IFITM1: variants seen among roughly 807,000 people sequenced by gnomAD.
The protein encoded by IFITM1 is interferon induced transmembrane protein 1.
In IFITM1, 1 loss-of-function variant was observed where a neutral mutation model predicts 4.0. The observed-to-expected ratio is 0.25, with a 90% CI of 0.09 to 1.18. The LOEUF (loss-of-function observed/expected upper bound fraction) is 1.18, where lower values mean the gene tolerates loss of function less well. Ranked by LOEUF, IFITM1 falls within the 50% of genes most tolerant of loss-of-function variation. The pLI, the probability that IFITM1 is intolerant of heterozygous loss-of-function variation, is 0.50. For synonymous variants in IFITM1, 79 were observed against 69.7 expected (o/e 1.13, Z -0.67); for missense variants, 131 against 163.2 (o/e 0.80, Z 1.08).
Position 314,787 on chromosome 11 carries a change from G to T in IFITM1, c.187-135G>T, listed in dbSNP as rs1037080754. 1 of 1,184,704 alleles carries T rather than the reference G, an allele frequency of 8.4e-7. No homozygotes were observed. Among genetic ancestry groups the T allele is most frequent in the Non-Finnish European group, 1.2e-6 (1 of 812,574 alleles). The allele number at this position is 1,184,704 out of a possible 1,614,324, so 73.4% of individuals were successfully genotyped here. On this transcript the variant is annotated intron_variant, in intron 1 of 1. Coordinates refer to ENST00000408968, the MANE Select transcript of IFITM1 (RefSeq NM_003641.5). This position sits in a 1 kb window ranked among gnomAD's most constrained non-coding sequence, Gnocchi z 4.5. Reference sequence around the variant, plus strand: ...AGGCAGAAGGAGGATGAGCCCCGAGGCTCCTGGAGAGTCTGAGCCCGGGTG... The same window carrying T: ...AGGCAGAAGGAGGATGAGCCCCGAGTCTCCTGGAGAGTCTGAGCCCGGGTG...
rs1358730078 is a variant in IFITM1, at chr11:314,245, C to T, written c.75C>T (p.Ile25=). Residue 25 remains isoleucine (I), a synonymous_variant, in exon 1 of 2, where the codon ATC becomes ATT. Transcript: ENST00000408968. This position sits in a 1 kb window ranked among gnomAD's most constrained non-coding sequence, Gnocchi z 4.5. ...CCATCCTTCCAAGGTCCACCGTGAT[C>T]AACATCCACAGCGAGACCTCCGTGC... ...PSTILPRSTV[I]NIHSETSVPD... 2 of 1,613,884 alleles carry T rather than the reference C, an allele frequency of 1.2e-6. No homozygotes were observed. The highest frequency in any genetic ancestry group is 2.2e-5 in the East Asian group (1 of 44,874).
Position 314,560 on chromosome 11 carries a change from T to A in IFITM1, c.186+204T>A, listed in dbSNP as rs1049686273. 3.7e-6 allele frequency: 3 copies of A among 811,634 alleles called. No homozygotes were observed. In the African/African-American group the frequency reaches 5.0e-5, roughly 14 times the overall value. The allele number at this position is 811,634 out of a possible 1,614,324, so 50.3% of individuals were successfully genotyped here. ...TTGGGGAATCTGCCCAGTGCAGGTC[T>A]AGGAGGAGGCTCCAGGAGGCTGGCT... On this transcript the variant is annotated intron_variant, in intron 1 of 1. Coordinates refer to ENST00000408968, the MANE Select transcript of IFITM1 (RefSeq NM_003641.5). The surrounding 1 kb of genome is among the most constrained non-coding windows in gnomAD (Gnocchi z 4.5).
In IFITM1 at chr11:315,105, G is replaced by A; in HGVS notation, c.370G>A (p.Gly124Ser). 6.2e-7 allele frequency: 1 copy of A among 1,614,016 alleles called. No homozygotes were observed. The part of the protein sequence containing the change: ...IMLQIIQEKR[G>S]Y ...GTTACAGATAATACAGGAAAAACGG[G>A]GTTACTAGTAGCCGCCCATAGCCTG... The change falls in exon 2 of 2, where the codon GGT (glycine) becomes AGT (serine). Residue 124 changes from glycine to serine, a missense_variant. Transcript: ENST00000408968.
In IFITM1 at chr11:314,672, A is replaced by G. The variant is rs113041989; in HGVS notation, c.187-250A>G. Reference sequence around the variant, plus strand: ...GTAAGAAATTACACCCTCACCTTCCAGACTGGCACCCAGGCTCTCCCAGAA... The same window carrying G: ...GTAAGAAATTACACCCTCACCTTCCGGACTGGCACCCAGGCTCTCCCAGAA... On this transcript the variant is annotated intron_variant, in intron 1 of 1. Transcript: ENST00000408968. The surrounding 1 kb of genome is among the most constrained non-coding windows in gnomAD (Gnocchi z 4.5). Among the ~76,000 whole-genome samples the G allele has an allele frequency of 5.5e-3, 832 of 152,326 alleles. 10 individuals are homozygous for G. Among genetic ancestry groups the G allele is most frequent in the African/African-American group, 0.019 (802 of 41,562 alleles).
In IFITM1 at chr11:314,605, C is replaced by T; in HGVS notation, c.186+249C>T. The T allele has an allele frequency of 4.0e-6, 3 of 758,948 alleles. No individual in the cohort carries two copies. The highest frequency in any genetic ancestry group is 2.2e-4 in the Middle Eastern group (1 of 4,468). The allele number at this position is 758,948 out of a possible 1,614,324, so 47.0% of individuals were successfully genotyped here. On this transcript the variant is annotated intron_variant, in intron 1 of 1. Coordinates refer to ENST00000408968, the MANE Select transcript of IFITM1 (RefSeq NM_003641.5). This position sits in a 1 kb window ranked among gnomAD's most constrained non-coding sequence, Gnocchi z 4.5. ...CTGGCTGGCTGGCTCAGAGTCTGTCCCTGGCTATCCATTAGCCCAGAGCAA... is the reference window on the plus strand; with the variant it reads ...CTGGCTGGCTGGCTCAGAGTCTGTCTCTGGCTATCCATTAGCCCAGAGCAA...
rs1402000501 is a variant in IFITM1 at position 314,169 on chromosome 11, A to T, written c.-2A>T. On this transcript the variant is annotated 5_prime_UTR_variant, in exon 1 of 2. In the 5' UTR this introduces an upstream ATG that the reference lacks. Transcript: ENST00000408968. This position sits in a 1 kb window ranked among gnomAD's most constrained non-coding sequence, Gnocchi z 4.5. ...CAACACTTCCTTCCCCAAAGCCAGA[A>T]GATGCACAAGGAGGAACATGAGGTG... 1.2e-6 allele frequency: 2 copies of T among 1,613,616 alleles called. No individual in the cohort carries two copies. Among genetic ancestry groups the T allele is most frequent in the Non-Finnish European group, 1.7e-6 (2 of 1,179,642 alleles).
Position 314,827 on chromosome 11 carries a change from G to A in IFITM1, c.187-95G>A. The A allele has an allele frequency of 6.4e-7, 1 of 1,565,974 alleles. No homozygotes were observed. The highest frequency in any genetic ancestry group is 8.7e-7 in the Non-Finnish European group (1 of 1,148,262). ...GAGCCCGGGTGAGGAAGGGGAGGAG[G>A]TGGTCCCTGATCTCAGGGCGGGGAG... On this transcript the variant is annotated intron_variant, in intron 1 of 1. Transcript: ENST00000408968. This position sits in a 1 kb window ranked among gnomAD's most constrained non-coding sequence, Gnocchi z 4.5.
rs747762790 is a variant in IFITM1, at chr11:315,187, G to A, written c.*74G>A. 4 of 1,472,102 alleles carry A rather than the reference G, an allele frequency of 2.7e-6. No homozygotes were observed. The highest frequency in any genetic ancestry group is 2.8e-6 in the Non-Finnish European group (3 of 1,062,414). 91.2% of individuals were successfully genotyped at this position (1,472,102 alleles called of 1,614,324 possible). A position where few individuals can be genotyped will look rare whatever the true frequency, so the allele number is the denominator to read the frequency against. ...CCTGCACGCTGGGGCTGTTGCCCCT[G>A]CCCCCTTGGTCCTGCCCCTAGATAC... On this transcript the variant is annotated 3_prime_UTR_variant, in exon 2 of 2. Coordinates refer to ENST00000408968, the MANE Select transcript of IFITM1 (RefSeq NM_003641.5).
rs949315777 is a variant in IFITM1 at position 315,259 on chromosome 11, G to A, written c.*146G>A. The A allele has an allele frequency of 1.3e-6, 1 of 756,648 alleles. No homozygotes were observed. The highest frequency in any genetic ancestry group is 2.2e-6 in the Non-Finnish European group (1 of 463,694). The allele number at this position is 756,648 out of a possible 1,614,324, so 46.9% of individuals were successfully genotyped here. On this transcript the variant is annotated 3_prime_UTR_variant, in exon 2 of 2. Transcript: ENST00000408968. ...TGTCTACAGTGTCATTCAATAAAGT[G>A]CACGTGCTTGTGATGATGCTGTGAC...
rs762598591 is a variant in IFITM1 at position 314,205 on chromosome 11, G to A, written c.35G>A (p.Gly12Glu). 1.4e-5 allele frequency: 22 copies of A among 1,613,918 alleles called. No individual in the cohort carries two copies. Among genetic ancestry groups the A allele is most frequent in the Non-Finnish European group, 1.9e-5 (22 of 1,179,926 alleles). The part of the protein sequence containing the change: ...HKEEHEVAVL[G>E]PPPSTILPRS... ...GAGGAACATGAGGTGGCTGTGCTGG[G>A]GCCACCCCCCAGCACCATCCTTCCA... Residue 12 changes from glycine to glutamate, a missense_variant, in exon 1 of 2, where the codon GGG becomes GAG. Physicochemically the swap from Gly to Glu is moderately conservative, Grantham distance 98. Coordinates refer to ENST00000408968, the MANE Select transcript of IFITM1 (RefSeq NM_003641.5). This position sits in a 1 kb window ranked among gnomAD's most constrained non-coding sequence, Gnocchi z 4.5.
In IFITM1 at chr11:315,186, T is replaced by A; in HGVS notation, c.*73T>A. On this transcript the variant is annotated 3_prime_UTR_variant, in exon 2 of 2. Coordinates refer to ENST00000408968, the MANE Select transcript of IFITM1 (RefSeq NM_003641.5). ...CCCTGCACGCTGGGGCTGTTGCCCC[T>A]GCCCCCTTGGTCCTGCCCCTAGATA... 1.4e-6 allele frequency: 2 copies of A among 1,459,448 alleles called. No homozygotes were observed. Among genetic ancestry groups the A allele is most frequent in the Non-Finnish European group, 1.9e-6 (2 of 1,050,216 alleles). The allele number at this position is 1,459,448 out of a possible 1,614,324, so 90.4% of individuals were successfully genotyped here. A position where few individuals can be genotyped will look rare whatever the true frequency, so the allele number is the denominator to read the frequency against.
chr11:314,049 G>A lies in IFITM1; in HGVS notation c.-122G>A, dbSNP rs550990471. On this transcript the variant is annotated 5_prime_UTR_variant, in exon 1 of 2. Coordinates refer to ENST00000408968, the MANE Select transcript of IFITM1 (RefSeq NM_003641.5). This position sits in a 1 kb window ranked among gnomAD's most constrained non-coding sequence, Gnocchi z 4.5. ...ACACTTCTGAGAAACTGAAACGACAGGGGAAAGGAGGTCTCACTGAGCACC... is the reference window on the plus strand; with the variant it reads ...ACACTTCTGAGAAACTGAAACGACAAGGGAAAGGAGGTCTCACTGAGCACC... 6 of 746,034 alleles carry A rather than the reference G, an allele frequency of 8.0e-6. No individual in the cohort carries two copies. Among genetic ancestry groups the A allele is most frequent in the Admixed American group, 2.5e-5 (1 of 40,498 alleles). 46.2% of individuals were successfully genotyped at this position (746,034 alleles called of 1,614,324 possible). A position where few individuals can be genotyped will look rare whatever the true frequency, so the allele number is the denominator to read the frequency against.
Position 314,182 on chromosome 11 carries a change from G to A in IFITM1, c.12G>A (p.Glu4=), listed in dbSNP as rs1290429664. MHK[E]EHEVAVLGPP... The stretch of plus-strand genomic sequence containing the variant: ...CCCAAAGCCAGAAGATGCACAAGGA[G>A]GAACATGAGGTGGCTGTGCTGGGGC... Residue 4 remains glutamate, a synonymous_variant, in exon 1 of 2, where the codon GAG becomes GAA. Coordinates refer to ENST00000408968, the MANE Select transcript of IFITM1 (RefSeq NM_003641.5). The surrounding 1 kb of genome is among the most constrained non-coding windows in gnomAD (Gnocchi z 4.5). 2 of 1,613,842 alleles carry A rather than the reference G, an allele frequency of 1.2e-6. No homozygotes were observed. The highest frequency in any genetic ancestry group is 1.7e-6 in the Non-Finnish European group (2 of 1,179,890).
Position 314,939 on chromosome 11 carries a change from G to A in IFITM1, c.204G>A (p.Met68Ile), listed in dbSNP as rs1460614582. 1.9e-6 allele frequency: 3 copies of A among 1,613,324 alleles called. No individual in the cohort carries two copies. The highest frequency in any genetic ancestry group is 1.7e-5 in the Admixed American group (1 of 60,026). ...TCCCCCAGTCTAGGGACAGGAAGAT[G>A]GTTGGCGACGTGACCGGGGCCCAGG... ...AYSVKSRDRK[M>I]VGDVTGAQAY... Residue 68 changes from methionine to isoleucine, a missense_variant, in exon 2 of 2, where the codon ATG (methionine) becomes ATA (isoleucine). By Grantham distance (10) the Met-to-Ile change is conservative (BLOSUM62 1). This residue lies in a region of IFITM1 where 19 missense variants were observed against 53.0 expected (regional missense o/e 0.36). Transcript: ENST00000408968. The surrounding 1 kb of genome is among the most constrained non-coding windows in gnomAD (Gnocchi z 4.5).
rs770862575 is a variant in IFITM1 at position 314,403 on chromosome 11, G to A, written c.186+47G>A. On this transcript the variant is annotated intron_variant, in intron 1 of 1. Coordinates refer to ENST00000408968, the MANE Select transcript of IFITM1 (RefSeq NM_003641.5). The surrounding 1 kb of genome is among the most constrained non-coding windows in gnomAD (Gnocchi z 4.5). ...ATCCAGGGGGTGCCGGTGAGCCTGG[G>A]GCTCCACCTGCCCACATGCTGCCTG... 8.1e-6 allele frequency: 13 copies of A among 1,608,010 alleles called. No individual in the cohort carries two copies. The East Asian group carries it at 1.3e-4, about 17-fold the overall frequency.
Position 314,048 on chromosome 11 carries a change from A to C in IFITM1, c.-123A>C. On this transcript the variant is annotated 5_prime_UTR_variant, in exon 1 of 2. Transcript: ENST00000408968. The surrounding 1 kb of genome is among the most constrained non-coding windows in gnomAD (Gnocchi z 4.5). ...CACACTTCTGAGAAACTGAAACGAC[A>C]GGGGAAAGGAGGTCTCACTGAGCAC... is the stretch of plus-strand genomic sequence containing the variant. 1.4e-6 allele frequency: 1 copy of C among 735,258 alleles called. No homozygotes were observed. The highest frequency in any genetic ancestry group is 2.3e-6 in the Non-Finnish European group (1 of 428,286). The allele number at this position is 735,258 out of a possible 1,614,324, so 45.5% of individuals were successfully genotyped here.
chr11:315,176 C>CAACAGCCCCAGCG lies in IFITM1; in HGVS notation c.*63_*64insAACAGCCCCAGCG. ...GCAATGCTGGCCCTGCACGCTGGGG[C>CAACAGCCCCAGCG]TGTTGCCCCTGCCCCCTTGGTCCTG... On this transcript the variant is annotated 3_prime_UTR_variant, in exon 2 of 2. Coordinates refer to ENST00000408968, the MANE Select transcript of IFITM1 (RefSeq NM_003641.5). 2.0e-6 allele frequency: 3 copies of CAACAGCCCCAGCG among 1,521,754 alleles called. No individual in the cohort carries two copies. Among genetic ancestry groups the CAACAGCCCCAGCG allele is most frequent in the Non-Finnish European group, 1.8e-6 (2 of 1,104,500 alleles). The allele number at this position is 1,521,754 out of a possible 1,614,324, so 94.3% of individuals were successfully genotyped here.
rs911046049 is a variant in IFITM1 at position 315,039 on chromosome 11, C to G, written c.304C>G (p.Leu102Val). ...LGILMTIGFILLLVFGSVTVY... is the reference protein window; with the variant it reads ...LGILMTIGFIVLLVFGSVTVY... ...CATCCTCATGACCATTGGATTCATC[C>G]TGTTACTGGTATTCGGCTCTGTGAC... Residue 102 changes from leucine (L) to valine (V), a missense_variant, in exon 2 of 2, where the codon CTG (leucine) becomes GTG (valine). Coordinates refer to ENST00000408968, the MANE Select transcript of IFITM1 (RefSeq NM_003641.5). 3 of 1,614,070 alleles carry G rather than the reference C, an allele frequency of 1.9e-6. No homozygotes were observed. Among genetic ancestry groups the G allele is most frequent in the Non-Finnish European group, 2.5e-6 (3 of 1,180,026 alleles).
Position 314,344 on chromosome 11 carries a change from C to G in IFITM1, c.174C>G (p.Ala58=), listed in dbSNP as rs763098917. 6 of 1,613,978 alleles carry G rather than the reference C, an allele frequency of 3.7e-6. No individual in the cohort carries two copies. The South Asian group carries it at 5.5e-5, about 15-fold the overall frequency. Residue 58 remains alanine (A), a synonymous_variant, in exon 1 of 2, where the codon GCC becomes GCG. Transcript: ENST00000408968. The surrounding 1 kb of genome is among the most constrained non-coding windows in gnomAD (Gnocchi z 4.5). Reference sequence around the variant, plus strand: ...GCTGTCTGGGCTTCATAGCATTCGCCTACTCCGTGAAGGTGCGTATGGCCC... The same window carrying G: ...GCTGTCTGGGCTTCATAGCATTCGCGTACTCCGTGAAGGTGCGTATGGCCC... The part of the protein sequence containing the change: ...NWCCLGFIAF[A]YSVKSRDRKM...
Sources: gnomAD v4.1 joint callset for allele counts (sites outside exome capture counted in the v4.1 genomes callset) on GRCh38, gnomAD v4.1.1 for gene constraint, gnomAD v4.1.1 regional missense constraint, Gnocchi (gnomAD v3.1) non-coding constraint, MANE v1.5 for transcripts, NCBI Gene and HGNC (gene_info 2026-07-23, HGNC 2026-07-21) for gene names.